POU2F3: variants seen among roughly 807,000 people sequenced by gnomAD.
The protein encoded by POU2F3 is POU domain, class 2, transcription factor 3.
Under a neutral mutation model 59.2 loss-of-function variants are expected in POU2F3, and 23 were observed. The ratio of observed to expected loss-of-function variants is 0.39; its 90% confidence interval spans 0.28 to 0.55. The LOEUF is 0.55. POU2F3 is among the 20% of genes least tolerant of loss of function. POU2F3 has a pLI of 0.66. For synonymous variants in POU2F3, 190 were observed against 214.6 expected (o/e 0.89, Z 1.00); for missense variants, 473 against 544.5 (o/e 0.87, Z 1.31).
intron 2 of POU2F3, among the ~76,000 whole-genome samples, chr11:120,255,603 C>T (rs577507439): frequency 1.3e-5 from 2 of 152,196 alleles, no homozygotes; most frequent in South Asian, 2.1e-4. Flanking sequence ...TGGCAAATGT[C>T]GGCTCCAGGG....
intron 3 of POU2F3, among the ~76,000 whole-genome samples, chr11:120,280,673 C>A (rs1031452712): frequency 2.6e-5 from 4 of 152,054 alleles, no homozygotes; most frequent in African/African-American, 9.7e-5. Context: ...TGCACTCCTG[C>A]AAATGAGACA....
intron 3 of POU2F3, among the ~76,000 whole-genome samples, chr11:120,282,627 G>A (rs1348685691): frequency 6.6e-6 from 1 of 152,176 alleles, no homozygotes; most frequent in African/African-American, 2.4e-5. Flanking sequence ...CTGCACTCCA[G>A]CCTGGGTGAC....
At chr11:120,248,696 A>T (rs1322088955) in intron 2 of POU2F3, among the ~76,000 whole-genome samples, 1 of 152,252 alleles carries the variant, frequency 6.6e-6, no homozygotes, top group Non-Finnish European at 1.5e-5. Context: ...GGCTGGTAGC[A>T]TCAATACTTA....
chr11:120,286,149 G>A (rs1432613669), intron 3 of POU2F3, among the ~76,000 whole-genome samples: 1 of 152,094 alleles, frequency 6.6e-6, no homozygotes, highest in East Asian at 1.9e-4. Flanking sequence ...CCTACCAGAG[G>A]GCTGGGATTA....
chr11:120,238,947 A>G (rs998257899), upstream of POU2F3, among the ~76,000 whole-genome samples: 4 of 152,156 alleles, frequency 2.6e-5, no homozygotes, highest in African/African-American at 7.2e-5. Flanking sequence ...AGGACTAAAC[A>G]AGAACTAAAG....
At chr11:120,308,866 G>C (rs1429539033) in intron 9 of POU2F3, among the ~76,000 whole-genome samples, 1 of 138,170 alleles carries the variant, frequency 7.2e-6, no homozygotes, top group East Asian at 2.2e-4. Flanking sequence ...TTGAACCCGG[G>C]AGGCGCAGGT....
chr11:120,245,565 A>G (rs1452344112), intron 1 of POU2F3, among the ~76,000 whole-genome samples: 4 of 152,108 alleles, frequency 2.6e-5, no homozygotes, highest in Admixed American at 2.6e-4. Flanking sequence ...TAAGGAGAGG[A>G]GCAGAGAGAG....
In POU2F3 at chr11:120,241,550, G is replaced by A. The variant is rs1938664365; in HGVS notation, c.28+1179G>A. ...CGTGCCAGAAAGGCTAGGTGAGGCG[G>A]AAGAAGCCATCCAACTGGGTGTCAT... On this transcript the variant is annotated intron_variant, in intron 1 of 12. Transcript: ENST00000543440. Among the ~76,000 whole-genome samples, 3 of 152,222 alleles carry A rather than the reference G, an allele frequency of 2.0e-5. 1 individual carries two copies. Among genetic ancestry groups the A allele is most frequent in the Admixed American group, 2.0e-4 (3 of 15,290 alleles).
In POU2F3 at chr11:120,298,248, C is replaced by G; in HGVS notation, c.133-17C>G. On this transcript the variant is annotated splice_polypyrimidine_tract_variant and intron_variant, in intron 3 of 12. Coordinates refer to ENST00000543440, the MANE Select transcript of POU2F3 (RefSeq NM_014352.4). ...CGGGATCCAGCACTGACGCTCTCCT[C>G]TTGCTTCCACTTGCAGATTAAAACC... 1 of 1,607,492 alleles carries G rather than the reference C, an allele frequency of 6.2e-7. No homozygotes were observed. The highest frequency in any genetic ancestry group is 8.5e-7 in the Non-Finnish European group (1 of 1,177,522).
chr11:120,288,782 A>G (rs1227439571), intron 3 of POU2F3, among the ~76,000 whole-genome samples: 3 of 131,700 alleles, frequency 2.3e-5, no homozygotes, highest in African/African-American at 8.2e-5. Flanking sequence ...CTTTAAATAT[A>G]TACATACGCA....
chr11:120,276,525 C>G (rs1385020280), intron 3 of POU2F3, among the ~76,000 whole-genome samples: 24 of 151,688 alleles, frequency 1.6e-4, no homozygotes, highest in Admixed American at 1.6e-3. Context: ...ATCCAGCCTC[C>G]AGTCCTGTAC....
At chr11:120,294,096 C>T (rs913596689) in intron 3 of POU2F3, among the ~76,000 whole-genome samples, 3 of 152,178 alleles carry the variant, frequency 2.0e-5, no homozygotes, top group Non-Finnish European at 4.4e-5. Flanking sequence ...GGAAGGGGCT[C>T]TCTCCTTCCA....
intron 3 of POU2F3, among the ~76,000 whole-genome samples, chr11:120,297,316 G>A (rs1214268568): frequency 1.3e-5 from 2 of 152,214 alleles, no homozygotes; most frequent in African/African-American, 2.4e-5. Flanking sequence ...GCCCACGCAT[G>A]GGTGGTTAGT....
At chr11:120,246,399 G>A in intron 1 of POU2F3, 50 bp from the exon 2 acceptor site, 3 of 1,587,248 alleles carry the variant, frequency 1.9e-6, no homozygotes, top group Non-Finnish European at 2.6e-6. Context: ...ATATGTCATA[G>A]CAAGAAAAAT....
At chr11:120,312,882 A>G (rs1941686123) in intron 10 of POU2F3, among the ~76,000 whole-genome samples, 1 of 152,158 alleles carries the variant, frequency 6.6e-6, no homozygotes, top group African/African-American at 2.4e-5. Context: ...ATTAACAGGG[A>G]AAGTGTTTGA....
At chr11:120,271,391 G>T (rs1940064673) in intron 3 of POU2F3, among the ~76,000 whole-genome samples, 1 of 152,246 alleles carries the variant, frequency 6.6e-6, no homozygotes, top group African/African-American at 2.4e-5. Flanking sequence ...TGGAGGAGAT[G>T]CCCAAGGATT....
chr11:120,267,684 G>C (rs1334930003), intron 2 of POU2F3, among the ~76,000 whole-genome samples: 1 of 152,138 alleles, frequency 6.6e-6, no homozygotes, highest in Non-Finnish European at 1.5e-5. Context: ...CATCTCTCAG[G>C]TGTTTCTTGA....
At chr11:120,256,864 G>A (rs536481196) in intron 2 of POU2F3, 8 of 152,308 alleles carry the variant, frequency 5.3e-5, no homozygotes, top group African/African-American at 1.7e-4. Context: ...GTTTCATTTG[G>A]AGATAACATG....
intron 3 of POU2F3, among the ~76,000 whole-genome samples, chr11:120,281,650 T>C (rs1402494710): frequency 6.6e-6 from 1 of 152,156 alleles, no homozygotes; most frequent in African/African-American, 2.4e-5. Flanking sequence ...GCCCCTCCCC[T>C]GCGCTGGCAT....
Sources: gnomAD v4.1 joint callset for allele counts (sites outside exome capture counted in the v4.1 genomes callset) on GRCh38, gnomAD v4.1.1 for gene constraint, MANE v1.5 for transcripts, NCBI Gene and HGNC (gene_info 2026-07-23, HGNC 2026-07-21) for gene names.